LYPD2: variants seen among roughly 807,000 people sequenced by gnomAD.
LYPD2 encodes the protein LY6/PLAUR domain containing 2, also known as ly6/PLAUR domain-containing protein 2.
Under a neutral mutation model 7.1 loss-of-function variants are expected in LYPD2, and 5 were observed. The ratio of observed to expected loss-of-function variants is 0.70; its 90% confidence interval spans 0.37 to 1.48. The LOEUF (loss-of-function observed/expected upper bound fraction) is 1.48. LYPD2 is among the 40% of genes most tolerant of loss of function. The pLI is 0.03. For missense variants in LYPD2, 177 were observed against 171.0 expected, an observed-to-expected ratio of 1.04 and a Z score of -0.20; for synonymous variants, 78 against 82.0, an observed-to-expected ratio of 0.95 and a Z score of 0.26.
At chr8:142,752,198 G>A (rs1460068444) in intron 1 of LYPD2, among the ~76,000 whole-genome samples, 196 bp downstream of exon 1, 8 of 152,024 alleles carry the variant, frequency 5.3e-5, no homozygotes, top group Middle Eastern at 3.4e-3. Flanking sequence ...CTCATTAGGC[G>A]TCCCCCTCAC....
At position 142,750,305 on chromosome 8, in the gene LYPD2, G is replaced by C. The variant is rs1202822952; in HGVS notation, c.356C>G (p.Pro119Arg). The C allele has an allele frequency of 1.3e-6, 2 of 1,552,692 alleles. No homozygotes were observed. Among genetic ancestry groups the C allele is most frequent in the Middle Eastern group, 1.7e-4 (1 of 5,994 alleles). The stretch of plus-strand genomic sequence containing the variant: ...ACTCTACAGTCGGAGGCTCAAGAGT[G>C]GGAGGAGCGTGAGGGCCCCGCAGTG... ...SLHCGALTLL[P>R]LLSLRL The change falls in exon 3 of 3, where the codon CCA becomes CGA. Residue 119 changes from proline to arginine, a missense_variant. Transcript: ENST00000359228.
chr8:142,750,512 G>A (rs1254073664), intron 2 of LYPD2, 30 bp from the exon 3 acceptor site: 1 of 1,554,134 alleles, frequency 6.4e-7, no homozygotes, highest in Admixed American at 1.9e-5. Flanking sequence ...TCAGCCGTCA[G>A]GGCTGGTCAC....
At chr8:142,751,433 C>A (rs1225025324) in intron 1 of LYPD2, among the ~76,000 whole-genome samples, 1 of 152,152 alleles carries the variant, frequency 6.6e-6, no homozygotes, top group East Asian at 1.9e-4. Context: ...CAAGCCAAGC[C>A]CCTTTGGAAG....
At position 142,752,438 on chromosome 8, in the gene LYPD2, C is replaced by T. The variant is rs11778314; in HGVS notation, c.14G>A (p.Arg5Gln). MRGT[R>Q]LALLALVLAA... The stretch of plus-strand genomic sequence containing the variant: ...CAGCACCAGCGCCAGGAGCGCCAGC[C>T]GCGTCCCCCGCATGGTCCCGGCCCA... Residue 5 changes from arginine (R) to glutamine (Q), a missense_variant, in exon 1 of 3, where the codon CGG (arginine) becomes CAG (glutamine). Arg to Gln is a conservative substitution (Grantham distance 43). Transcript: ENST00000359228. The T allele has an allele frequency of 0.19, 300,734 of 1,612,764 alleles. 29,639 individuals carry two copies. The highest frequency in any genetic ancestry group is 0.38 in the East Asian group (17,014 of 44,788).
chr8:142,750,403 G>A lies in LYPD2; in HGVS notation c.258C>T (p.Gly86=), dbSNP rs1178622123. 2 of 1,582,352 alleles carry A rather than the reference G, an allele frequency of 1.3e-6. No homozygotes were observed. Among genetic ancestry groups the A allele is most frequent in the South Asian group, 2.3e-5 (2 of 86,306 alleles). ...KCKPSDVDGI[G]QTLPVSCCNT... ...TGCAGCAGGACACGGGCAGGGTCTG[G>A]CCGATGCCATCCACATCCGAGGGCT... The change falls in exon 3 of 3, where the codon GGC becomes GGT. Residue 86 remains glycine, a synonymous_variant. Coordinates refer to ENST00000359228, the MANE Select transcript of LYPD2 (RefSeq NM_205545.3).
Position 142,751,463 on chromosome 8 carries a change from G to C in LYPD2, c.59-293C>G, listed in dbSNP as rs1301079871. Among the ~76,000 whole-genome samples, 2 of 152,224 alleles carry C rather than the reference G, an allele frequency of 1.3e-5. 1 individual carries two copies. Among genetic ancestry groups the C allele is most frequent in the South Asian group, 4.1e-4 (2 of 4,836 alleles). On this transcript the variant is annotated intron_variant, in intron 1 of 2. Transcript: ENST00000359228. Reference sequence around the variant, plus strand: ...TGGAAGTGTTTGGGAGACTCAGGGGGACCAAGGCCCTGGCATCTTCATAGC... The same window carrying C: ...TGGAAGTGTTTGGGAGACTCAGGGGCACCAAGGCCCTGGCATCTTCATAGC...
Position 142,750,515 on chromosome 8 carries a change from C to G in LYPD2, c.179-33G>C. The G allele has an allele frequency of 1.9e-6, 3 of 1,551,140 alleles. No individual in the cohort carries two copies. In the African/African-American group the frequency reaches 4.1e-5, roughly 21 times the overall value. On this transcript the variant is annotated intron_variant, in intron 2 of 2. Coordinates refer to ENST00000359228, the MANE Select transcript of LYPD2 (RefSeq NM_205545.3). ...GTGTGGGAAGAGTCAGCCGTCAGGG[C>G]TGGTCACTGCCTCCAAGCCCTGGTC... is the stretch of plus-strand genomic sequence containing the variant.
intron 1 of LYPD2, among the ~76,000 whole-genome samples, 184 bp downstream of exon 1, chr8:142,752,210 G>A (rs868187586): frequency 2.0e-5 from 3 of 151,852 alleles, no homozygotes; most frequent in South Asian, 2.1e-4. Flanking sequence ...CCCCCTCACC[G>A]CCAGCCCCTC....
intron 1 of LYPD2, among the ~76,000 whole-genome samples, 160 bp downstream of exon 1, chr8:142,752,234 C>T (rs1289671616): frequency 6.6e-6 from 1 of 152,084 alleles, no homozygotes; most frequent in African/African-American, 2.4e-5. Flanking sequence ...CCGTTTCCAC[C>T]CTCCCCTCCT....
Position 142,750,174 on chromosome 8 carries a change from C to T in LYPD2, c.*109G>A. On this transcript the variant is annotated 3_prime_UTR_variant, in exon 3 of 3. Coordinates refer to ENST00000359228, the MANE Select transcript of LYPD2 (RefSeq NM_205545.3). ...GACATCGACGAGGTCAGAGATGCAGCAGGGCAGGTCTGTGCCCAGAAAGGA... is the reference window on the plus strand; with the variant it reads ...GACATCGACGAGGTCAGAGATGCAGTAGGGCAGGTCTGTGCCCAGAAAGGA... The T allele has an allele frequency of 3.3e-6, 3 of 905,026 alleles. No homozygotes were observed. The highest frequency in any genetic ancestry group is 2.6e-5 in the East Asian group (1 of 37,814). The allele number at this position is 905,026 out of a possible 1,614,324, so 56.1% of individuals were successfully genotyped here.
In LYPD2 at chr8:142,750,237, G is replaced by T. The variant is rs1231323450; in HGVS notation, c.*46C>A. ...CTGGTGCAGGGGGCACTTCTTCAAG[G>T]CATTCGGGGCTGGGCCGCATAGGGC... On this transcript the variant is annotated 3_prime_UTR_variant, in exon 3 of 3. Transcript: ENST00000359228. The T allele has an allele frequency of 1.3e-6, 2 of 1,510,564 alleles. No individual in the cohort carries two copies. Among genetic ancestry groups the T allele is most frequent in the South Asian group, 1.2e-5 (1 of 82,088 alleles). 93.6% of individuals were successfully genotyped at this position (1,510,564 alleles called of 1,614,324 possible).
In LYPD2 at chr8:142,752,490, G is replaced by T; in HGVS notation, c.-39C>A. On this transcript the variant is annotated 5_prime_UTR_variant, in exon 1 of 3. Coordinates refer to ENST00000359228, the MANE Select transcript of LYPD2 (RefSeq NM_205545.3). ...TCCTCTGTGCTCTCACCCCAGGCTT[G>T]CCTGGCGGGGACAGCAGACACCAAG... 2 of 1,609,132 alleles carry T rather than the reference G, an allele frequency of 1.2e-6. No homozygotes were observed. Among genetic ancestry groups the T allele is most frequent in the Non-Finnish European group, 1.7e-6 (2 of 1,177,070 alleles).
rs1023611507 is a variant in LYPD2 at position 142,750,947 on chromosome 8, C to T, written c.178+104G>A. On this transcript the variant is annotated intron_variant, in intron 2 of 2. Transcript: ENST00000359228. ...CTCTGACCGGGAACCCAGCCCTGCC[C>T]GCCTTCCGTGCTCACTGCCCTATCT... The T allele has an allele frequency of 4.0e-5, 63 of 1,561,750 alleles. 1 individual carries two copies. In the South Asian group the frequency reaches 5.2e-4, roughly 13 times the overall value.
intron 1 of LYPD2, 106 bp downstream of exon 1, chr8:142,752,288 T>C: frequency 7.5e-7 from 1 of 1,327,884 alleles, no homozygotes. Flanking sequence ...CTCTGGCTTC[T>C]CCTGCCTCTG....
At position 142,752,371 on chromosome 8, in the gene LYPD2, C is replaced by T. The variant is rs587697336; in HGVS notation, c.58+23G>A. On this transcript the variant is annotated intron_variant, in intron 1 of 2. Transcript: ENST00000359228. ...GGTGGCATCTCCCTCCGTCCCAGCT[C>T]CCCTGTGGGTCCCACACCTCACCCA... is the stretch of plus-strand genomic sequence containing the variant. 4 of 1,613,274 alleles carry T rather than the reference C, an allele frequency of 2.5e-6. No individual in the cohort carries two copies. In the Admixed American group the frequency reaches 5.0e-5, roughly 20 times the overall value.
rs1814669511 is a variant in LYPD2 at position 142,750,178 on chromosome 8, GCAGGTCTGTGCCCAGAAAGGAGACT to G, written c.*80_*104del. 1 of 943,132 alleles carries G rather than the reference GCAGGTCTGTGCCCAGAAAGGAGACT, an allele frequency of 1.1e-6. No homozygotes were observed. Among genetic ancestry groups the G allele is most frequent in the Non-Finnish European group, 1.6e-6 (1 of 619,226 alleles). 58.4% of individuals were successfully genotyped at this position (943,132 alleles called of 1,614,324 possible). On this transcript the variant is annotated 3_prime_UTR_variant, in exon 3 of 3. Coordinates refer to ENST00000359228, the MANE Select transcript of LYPD2 (RefSeq NM_205545.3). ...TCGACGAGGTCAGAGATGCAGCAGG[GCAGGTCTGTGCCCAGAAAGGAGACT>G]CAGGAGTCCTGGTGCAGGGGGCACT...
chr8:142,750,700 C>A (rs587635226), intron 2 of LYPD2, among the ~76,000 whole-genome samples: 1 of 152,368 alleles, frequency 6.6e-6, no homozygotes, highest in Non-Finnish European at 1.5e-5. Flanking sequence ...GTTCCCGCCC[C>A]GAGGTGACTG....
At chr8:142,752,099 G>C (rs1451051818) in intron 1 of LYPD2, among the ~76,000 whole-genome samples, 1 of 152,052 alleles carries the variant, frequency 6.6e-6, no homozygotes, top group East Asian at 1.9e-4. Flanking sequence ...GGTGCCCATA[G>C]CCCCCCATAA....
In LYPD2 at chr8:142,752,267, C is replaced by T. The variant is rs587633798; in HGVS notation, c.58+127G>A. 90 of 1,039,314 alleles carry T rather than the reference C, an allele frequency of 8.7e-5. No individual in the cohort carries two copies. In the African/African-American group the frequency reaches 1.1e-3, roughly 13 times the overall value. 64.4% of individuals were successfully genotyped at this position (1,039,314 alleles called of 1,614,324 possible). A position where few individuals can be genotyped will look rare whatever the true frequency, so the allele number is the denominator to read the frequency against. On this transcript the variant is annotated intron_variant, in intron 1 of 2. Transcript: ENST00000359228. ...CCTTATGGCGGGGGGGCCACACCCC[C>T]GGCCCCACAGCTCTGGCTTCTCCTG... is the stretch of plus-strand genomic sequence containing the variant.
Sources: gnomAD v4.1 joint callset for allele counts (sites outside exome capture counted in the v4.1 genomes callset) on GRCh38, gnomAD v4.1.1 for gene constraint, MANE v1.5 for transcripts, NCBI Gene and HGNC (gene_info 2026-07-23, HGNC 2026-07-21) for gene names.